Variants in CHCHD3 observed in about 807,000 individuals in gnomAD.
CHCHD3 encodes the protein coiled-coil-helix-coiled-coil-helix domain containing 3, also known as MICOS complex subunit MIC19.
A neutral mutation model predicts 38.2 loss-of-function variants in CHCHD3; 20 were observed. The observed-to-expected ratio is 0.52, with a 90% confidence interval of 0.37 to 0.76. The LOEUF (loss-of-function observed/expected upper bound fraction) is 0.76. CHCHD3 is among the 30% of genes least tolerant of loss of function. The pLI, the probability that CHCHD3 is intolerant of heterozygous loss-of-function variation, is 0.00. For missense variants in CHCHD3, 245 were observed against 279.2 expected (o/e 0.88, Z 0.87); for synonymous variants, 82 against 100.0 (o/e 0.82, Z 1.07).
chr7:132,982,957 A>G (rs184954459), intron 3 of CHCHD3, among the ~76,000 whole-genome samples: 206 of 152,348 alleles, frequency 1.4e-3, no homozygotes, highest in African/African-American at 4.5e-3. Context: ...TATGTCATGA[A>G]TGCATAAAAT....
intron 4 of CHCHD3, among the ~76,000 whole-genome samples, chr7:132,899,254 G>A (rs972513351): frequency 6.6e-5 from 10 of 152,216 alleles, no homozygotes; most frequent in Admixed American, 3.9e-4. Context: ...AAGCAGGAGA[G>A]CCTCAGACTG....
At chr7:132,941,967 T>C (rs887634781) in intron 4 of CHCHD3, among the ~76,000 whole-genome samples, 4 of 152,188 alleles carry the variant, frequency 2.6e-5, no homozygotes, top group Admixed American at 6.6e-5. Flanking sequence ...TAAGTACCTA[T>C]GCTCATTTGA....
chr7:132,828,549 T>C (rs1807565023), intron 6 of CHCHD3, among the ~76,000 whole-genome samples: 1 of 152,192 alleles, frequency 6.6e-6, no homozygotes, highest in Admixed American at 6.5e-5. Context: ...GAAATAAGAA[T>C]ACTTGACAAG....
At chr7:132,887,139 T>C (rs1469647093) in intron 4 of CHCHD3, among the ~76,000 whole-genome samples, 3 of 151,946 alleles carry the variant, frequency 2.0e-5, no homozygotes, top group African/African-American at 7.2e-5. Context: ...AATGCTTAAC[T>C]TGAGACACAT....
chr7:132,990,498 T>A (rs1465294732), intron 3 of CHCHD3, among the ~76,000 whole-genome samples: 3 of 152,094 alleles, frequency 2.0e-5, no homozygotes, highest in Non-Finnish European at 4.4e-5. Context: ...CAGATGACAA[T>A]GTGAAATGGC....
intron 4 of CHCHD3, among the ~76,000 whole-genome samples, chr7:132,899,916 G>A (rs1308002606): frequency 6.6e-6 from 1 of 152,206 alleles, no homozygotes; most frequent in East Asian, 1.9e-4. Context: ...CTAGGCCAGA[G>A]GAAATTCAAT....
chr7:132,913,421 A>C (rs1486253578), intron 4 of CHCHD3, among the ~76,000 whole-genome samples: 2 of 152,178 alleles, frequency 1.3e-5, no homozygotes, highest in African/African-American at 4.8e-5. Context: ...TTTAGAGATG[A>C]ATCCAAGAGT....
chr7:132,898,929 C>T (rs1172944421), intron 4 of CHCHD3, among the ~76,000 whole-genome samples: 1 of 152,204 alleles, frequency 6.6e-6, no homozygotes, highest in Non-Finnish European at 1.5e-5. Flanking sequence ...CACACCCACC[C>T]GGAACTCCAG....
chr7:132,959,256 A>T (rs909705709), intron 4 of CHCHD3, among the ~76,000 whole-genome samples: 2 of 152,246 alleles, frequency 1.3e-5, no homozygotes, highest in Non-Finnish European at 2.9e-5. Flanking sequence ...CAAAGTATGT[A>T]TTACAAATCT....
intron 3 of CHCHD3, among the ~76,000 whole-genome samples, chr7:132,994,595 C>G (rs1272192521): frequency 6.6e-6 from 1 of 152,172 alleles, no homozygotes; most frequent in African/African-American, 2.4e-5. Flanking sequence ...TAATTTTATT[C>G]TGAAAAACTA....
intron 2 of CHCHD3, among the ~76,000 whole-genome samples, chr7:133,040,052 C>T (rs1813788222): frequency 6.6e-6 from 1 of 152,156 alleles, no homozygotes; most frequent in South Asian, 2.1e-4. Flanking sequence ...AACAGTGGAA[C>T]CTATATTCGA....
chr7:132,981,381 C>T (rs1811915294), intron 3 of CHCHD3, among the ~76,000 whole-genome samples: 1 of 152,130 alleles, frequency 6.6e-6, no homozygotes, highest in Non-Finnish European at 1.5e-5. Flanking sequence ...ATCTGACTTC[C>T]AAAGTCATAC....
rs1340549231 is a variant in CHCHD3, at chr7:132,784,980, C to T, written c.*657G>A. On this transcript the variant is annotated 3_prime_UTR_variant, in exon 8 of 8. Transcript: ENST00000262570. ...CTTCATATTGATAAAAATACCTTAT[C>T]TCACTTGTAATCATAAACATTATTC... The T allele has an allele frequency of 1.3e-5, 2 of 152,636 alleles. No individual in the cohort carries two copies. Among genetic ancestry groups the T allele is most frequent in the African/African-American group, 2.4e-5 (1 of 41,442 alleles). 9.5% of individuals were successfully genotyped at this position (152,636 alleles called of 1,614,324 possible). A position where few individuals can be genotyped will look rare whatever the true frequency, so the allele number is the denominator to read the frequency against.
At chr7:133,014,052 G>A (rs1411323146) in intron 3 of CHCHD3, among the ~76,000 whole-genome samples, 1 of 151,890 alleles carries the variant, frequency 6.6e-6, no homozygotes, top group African/African-American at 2.4e-5. Flanking sequence ...TTGACTTTGT[G>A]GGGTACTTTT....
rs995332981 is a variant in CHCHD3, at chr7:132,796,514, C to T, written c.588G>A (p.Glu196=). The stretch of plus-strand genomic sequence containing the variant: ...AGCATTTGAGGGTCTGGTGGGTGTT[C>T]TCACGGTAACACTGAAGAATTTTGG... ...LQAKILQCYR[E]NTHQTLKCSA... The change falls in exon 7 of 8, where the codon GAG becomes GAA. Residue 196 remains glutamate (E), a synonymous_variant. Transcript: ENST00000262570. 7 of 1,613,902 alleles carry T rather than the reference C, an allele frequency of 4.3e-6. No homozygotes were observed. Among genetic ancestry groups the T allele is most frequent in the Non-Finnish European group, 5.1e-6 (6 of 1,179,864 alleles).
At chr7:133,046,577 G>C (rs1003055977) in intron 2 of CHCHD3, among the ~76,000 whole-genome samples, 1 of 27,540 alleles carries the variant, frequency 3.6e-5, no homozygotes, top group South Asian at 2.1e-3. Flanking sequence ...TTTTGGGGGG[G>C]GGAGACGGAG....
chr7:133,020,573 A>G (rs1332281025), intron 3 of CHCHD3, among the ~76,000 whole-genome samples: 1 of 152,212 alleles, frequency 6.6e-6, no homozygotes, highest in Non-Finnish European at 1.5e-5. Flanking sequence ...CATTTTATCA[A>G]TTCTAGGATG....
At chr7:132,892,441 TA>T in intron 4 of CHCHD3, among the ~76,000 whole-genome samples, 1 of 152,146 alleles carries the variant, frequency 6.6e-6, no homozygotes. Context: ...AAGCAGGGCA[TA>T]AAAGTTTGGA....
intron 5 of CHCHD3, among the ~76,000 whole-genome samples, chr7:132,860,556 G>A (rs796936951): frequency 2.6e-5 from 4 of 152,188 alleles, no homozygotes; most frequent in African/African-American, 7.2e-5. Context: ...GGCATGTAAT[G>A]GGTTTGGATT....
Sources: gnomAD v4.1 joint callset for allele counts (sites outside exome capture counted in the v4.1 genomes callset) on GRCh38, gnomAD v4.1.1 for gene constraint, MANE v1.5 for transcripts, NCBI Gene and HGNC (gene_info 2026-07-23, HGNC 2026-07-21) for gene names.